Variants in TFEC observed in about 807,000 individuals in gnomAD.
The protein encoded by TFEC is class E basic helix-loop-helix protein 34.
TFEC carries 31 observed loss-of-function variants against 41.6 expected under a neutral mutation model. The observed-to-expected ratio is 0.74, with a 90% CI of 0.56 to 1.01. The LOEUF (loss-of-function observed/expected upper bound fraction) is 1.01, where lower values mean the gene tolerates loss of function less well. Ranked by LOEUF, TFEC falls within the 50% of genes least tolerant of loss-of-function variation. The probability of loss-of-function intolerance (pLI) is 0.00; values close to 1 mark genes in which losing one functional copy is unlikely to be tolerated. For missense variants in TFEC, 402 were observed against 404.1 expected (o/e 0.99, Z 0.04); for synonymous variants, 143 against 140.6 (o/e 1.02, Z -0.12).
intron 1 of TFEC, among the ~76,000 whole-genome samples, chr7:116,133,057 G>T (rs1478645171): frequency 6.6e-6 from 1 of 152,108 alleles, no homozygotes; most frequent in Non-Finnish European, 1.5e-5. Context: ...TGCTTAAAAA[G>T]AAAATAAATG....
At chr7:116,141,066 G>A (rs562487745) in intron 1 of TFEC, among the ~76,000 whole-genome samples, 23 of 152,214 alleles carry the variant, frequency 1.5e-4, no homozygotes, top group African/African-American at 4.8e-4. Flanking sequence ...AAATTACAGA[G>A]GTTTGTAAAC....
At position 115,952,940 on chromosome 7, in the gene TFEC, A is replaced by C. The variant is rs190503155; in HGVS notation, c.439+1646T>G. Among the ~76,000 whole-genome samples the C allele has an allele frequency of 9.2e-5, 14 of 152,142 alleles. No homozygotes were observed. In the East Asian group the frequency reaches 2.7e-3, roughly 29 times the overall value. On this transcript the variant is annotated intron_variant, in intron 5 of 7. Coordinates refer to ENST00000265440, the MANE Select transcript of TFEC (RefSeq NM_012252.4). ...TATACTCTGGGTTATCGGCACAAGC[A>C]ATTTCCTCCCTAATTCCCTGAGTTC...
At chr7:115,999,389 T>C (rs1794499096) in intron 1 of TFEC, among the ~76,000 whole-genome samples, 2 of 151,766 alleles carry the variant, frequency 1.3e-5, no homozygotes, top group Admixed American at 6.6e-5. Context: ...ATGAGAAAAG[T>C]AGAAACATTT....
rs147395613 is a variant in TFEC, at chr7:115,937,369, G to T, written c.*3182C>A. 287 of 151,630 alleles carry T rather than the reference G, an allele frequency of 1.9e-3. 2 individuals are homozygous for T. The highest frequency in any genetic ancestry group is 6.5e-3 in the African/African-American group (270 of 41,458). 9.4% of individuals were successfully genotyped at this position (151,630 alleles called of 1,614,324 possible). A position where few individuals can be genotyped will look rare whatever the true frequency, so the allele number is the denominator to read the frequency against. ...AAACATATGCCTCTTTTACTATTAT[G>T]AAAAATCTCATTTCTGCAAGAAATA... is the stretch of plus-strand genomic sequence containing the variant. On this transcript the variant is annotated 3_prime_UTR_variant, in exon 8 of 8. Coordinates refer to ENST00000265440, the MANE Select transcript of TFEC (RefSeq NM_012252.4).
intron 1 of TFEC, among the ~76,000 whole-genome samples, chr7:116,027,795 G>A (rs1795642579): frequency 6.6e-6 from 1 of 152,100 alleles, no homozygotes; most frequent in African/African-American, 2.4e-5. Flanking sequence ...ACTCTTCCAT[G>A]GTAACTCTTA....
intron 1 of TFEC, among the ~76,000 whole-genome samples, chr7:116,006,664 G>T (rs1033552265): frequency 6.6e-6 from 1 of 152,194 alleles, no homozygotes; most frequent in African/African-American, 2.4e-5. Flanking sequence ...GCTGAAATGG[G>T]TTAAGACTTT....
chr7:116,159,280 TATG>T (rs965774763), intron 1 of TFEC, among the ~76,000 whole-genome samples: 2 of 150,468 alleles, frequency 1.3e-5, no homozygotes, highest in African/African-American at 5.0e-5. Context: ...ATTTATGAAA[TATG>T]TTTTTATCAA....
At chr7:116,094,494 T>C (rs1375641826) in intron 3 of TFEC, among the ~76,000 whole-genome samples, 1 of 151,782 alleles carries the variant, frequency 6.6e-6, no homozygotes, top group Non-Finnish European at 1.5e-5. Context: ...TCCTGGCTAA[T>C]ATGATGAAAT....
At chr7:116,026,620 G>T (rs941037497) in intron 1 of TFEC, among the ~76,000 whole-genome samples, 2 of 152,194 alleles carry the variant, frequency 1.3e-5, no homozygotes, top group African/African-American at 4.8e-5. Flanking sequence ...TCACTGGGCA[G>T]ATTCATCCAC....
At chr7:116,070,811 T>C (rs1045865765) in intron 3 of TFEC, among the ~76,000 whole-genome samples, 1 of 151,400 alleles carries the variant, frequency 6.6e-6, no homozygotes, top group African/African-American at 2.4e-5. Flanking sequence ...AGTGTTATTG[T>C]CCATGTTCCT....
intron 1 of TFEC, among the ~76,000 whole-genome samples, chr7:116,125,757 G>A (rs73462600): frequency 0.024 from 3,718 of 152,194 alleles, 169 homozygotes; most frequent in African/African-American, 0.084. Flanking sequence ...ACCAAAAGAG[G>A]GTAAGGTTGG....
intron 3 of TFEC, among the ~76,000 whole-genome samples, chr7:115,971,699 A>G (rs1793142701): frequency 6.6e-6 from 1 of 152,068 alleles, no homozygotes; most frequent in African/African-American, 2.4e-5. Context: ...GGTTTAAATT[A>G]ATCAGAAACT....
At chr7:116,041,205 C>T (rs561508232) in intron 3 of TFEC, among the ~76,000 whole-genome samples, 95 of 151,906 alleles carry the variant, frequency 6.3e-4, no homozygotes, top group African/African-American at 2.2e-3. Context: ...TTTCACATAA[C>T]ATTTATATGT....
At chr7:115,976,720 C>T (rs948553306) in intron 2 of TFEC, among the ~76,000 whole-genome samples, 3 of 152,128 alleles carry the variant, frequency 2.0e-5, no homozygotes, top group African/African-American at 7.2e-5. Flanking sequence ...AAACCTTGTA[C>T]TGAACAGATG....
chr7:116,105,185 T>A (rs1562970738), intron 3 of TFEC, among the ~76,000 whole-genome samples: 4 of 151,896 alleles, frequency 2.6e-5, no homozygotes, highest in Admixed American at 2.6e-4. Context: ...CCAAAAAAAA[T>A]TATAGAAAGA....
Position 115,968,387 on chromosome 7 carries a change from T to C in TFEC, c.267+5783A>G, listed in dbSNP as rs1792972028. 56 of 1,234,812 alleles carry C rather than the reference T, an allele frequency of 4.5e-5. 1 individual carries two copies. In the South Asian group the frequency reaches 1.1e-3, roughly 23 times the overall value. The allele number at this position is 1,234,812 out of a possible 1,614,324, so 76.5% of individuals were successfully genotyped here. On this transcript the variant is annotated intron_variant, in intron 3 of 7. Coordinates refer to ENST00000265440, the MANE Select transcript of TFEC (RefSeq NM_012252.4). ...TGATTGACAAAAGCTTGCTCACTGATGTTATGCAGTCCTTTCAAGTTCCAA... is the reference window on the plus strand; with the variant it reads ...TGATTGACAAAAGCTTGCTCACTGACGTTATGCAGTCCTTTCAAGTTCCAA...
chr7:115,998,248 C>T (rs1794445488), intron 1 of TFEC, among the ~76,000 whole-genome samples: 1 of 151,990 alleles, frequency 6.6e-6, no homozygotes, highest in South Asian at 2.1e-4. Flanking sequence ...TTGTCATCAA[C>T]TTACCTATTT....
chr7:116,027,490 G>A (rs1795630248), intron 1 of TFEC, among the ~76,000 whole-genome samples: 3 of 152,112 alleles, frequency 2.0e-5, no homozygotes, highest in Non-Finnish European at 4.4e-5. Flanking sequence ...CAGCTACTCT[G>A]GGGGGTTGAG....
chr7:116,058,403 A>AAAAATAGAAAATTAG (rs79930209), intron 3 of TFEC, among the ~76,000 whole-genome samples: 35,767 of 150,726 alleles, frequency 0.24, 4,420 homozygotes, highest in East Asian at 0.38. Context: ...ATCAGAATCA[A>AAAAATAGAAAATTAG]AAAATAGAAA....
Sources: allele counts gnomAD v4.1 joint callset (sites outside exome capture counted in the v4.1 genomes callset), GRCh38; gene constraint gnomAD v4.1.1; transcripts MANE v1.5; gene names NCBI Gene and HGNC (gene_info 2026-07-23, HGNC 2026-07-21).